The following PDE1C variants were observed in gnomAD, a reference collection of about 807,000 sequenced individuals.
PDE1C encodes the protein dual specificity calcium/calmodulin-dependent 3',5'-cyclic nucleotide phosphodiesterase 1C.
PDE1C carries 62 observed loss-of-function variants against 93.1 expected under a neutral mutation model. The ratio of observed to expected loss-of-function variants is 0.67; its 90% CI spans 0.54 to 0.82. The LOEUF (loss-of-function observed/expected upper bound fraction) is 0.82. Ranked by LOEUF, PDE1C falls within the 40% of genes least tolerant of loss-of-function variation. The pLI, the probability that PDE1C is intolerant of heterozygous loss-of-function variation, is 0.00. For synonymous variants in PDE1C, 325 were observed against 310.1 expected (o/e 1.05, Z -0.50); for missense variants, 742 against 884.6 (o/e 0.84, Z 2.04).
chr7:31,946,662 G>T (rs1806654663), intron 2 of PDE1C, among the ~76,000 whole-genome samples: 1 of 152,114 alleles, frequency 6.6e-6, no homozygotes, highest in Admixed American at 6.5e-5. Flanking sequence ...CTTCTTTGTT[G>T]GATTACCAAT....
intron 11 of PDE1C, among the ~76,000 whole-genome samples, chr7:31,830,239 T>A (rs1044966531): frequency 1.3e-5 from 2 of 152,084 alleles, no homozygotes; most frequent in Non-Finnish European, 2.9e-5. Flanking sequence ...AGGAATAAAC[T>A]TCTACTCATG....
rs770852590 is a variant in PDE1C at position 31,753,350 on chromosome 7, A to C, written c.*34T>G. ...TGGGTGCTGAGAAGCAGATAGGTAG[A>C]CCCTCCTTCACTCCCTCTCTTCTTC... On this transcript the variant is annotated 3_prime_UTR_variant, in exon 18 of 18. Coordinates refer to ENST00000396191, the MANE Select transcript of PDE1C (RefSeq NM_001191057.4). The C allele has an allele frequency of 1.6e-5, 26 of 1,592,080 alleles. No individual in the cohort carries two copies. In the South Asian group the frequency reaches 3.0e-4, roughly 18 times the overall value.
chr7:31,643,831 A>C, the PDE1C span: 1 of 1,613,920 alleles, frequency 6.2e-7, no homozygotes, highest in Middle Eastern at 1.6e-4. Flanking sequence ...GGAGAGGCAA[A>C]GCCCTGGCCC....
the PDE1C span, among the ~76,000 whole-genome samples, chr7:31,714,102 CTT>C: frequency 6.6e-6 from 1 of 152,186 alleles, no homozygotes; most frequent in African/African-American, 2.4e-5. Flanking sequence ...ATTTTCCAAA[CTT>C]TTATGCATTT....
At chr7:31,957,685 A>G (rs573812725) in intron 2 of PDE1C, among the ~76,000 whole-genome samples, 25 of 152,322 alleles carry the variant, frequency 1.6e-4, no homozygotes, top group African/African-American at 5.8e-4. Flanking sequence ...AGCATTGCAT[A>G]CACTGGTGTT....
intron 2 of PDE1C, among the ~76,000 whole-genome samples, chr7:32,034,783 C>T (rs1207754452): frequency 1.3e-5 from 2 of 152,048 alleles, no homozygotes; most frequent in Non-Finnish European, 2.9e-5. Flanking sequence ...CTCAATTGAA[C>T]CAAGCCCCAT....
At chr7:32,295,893 CAAAAAAAAAAAAAA>C (rs147462417) in intron 1 of PDE1C, among the ~76,000 whole-genome samples, 1 of 85,124 alleles carries the variant, frequency 1.2e-5, no homozygotes, top group Non-Finnish European at 2.4e-5. Flanking sequence ...GACTCTGTCT[CAAAAAAAAAAAAAA>C]AAAAAAAAAA....
At chr7:32,059,266 G>A (rs1434700980) in intron 1 of PDE1C, among the ~76,000 whole-genome samples, 1 of 152,182 alleles carries the variant, frequency 6.6e-6, no homozygotes, top group Non-Finnish European at 1.5e-5. Context: ...ATGGGAGAAT[G>A]CAAATCTGAA....
chr7:31,824,845 G>C (rs1464434709), intron 13 of PDE1C, 22 bp downstream of exon 13: 1 of 1,611,232 alleles, frequency 6.2e-7, no homozygotes, highest in Non-Finnish European at 8.5e-7. Flanking sequence ...CTCACCCTCA[G>C]CCCTCAAGCT....
chr7:32,265,229 G>A (rs370765565), intron 1 of PDE1C, among the ~76,000 whole-genome samples: 9 of 152,194 alleles, frequency 5.9e-5, no homozygotes, highest in Admixed American at 3.3e-4. Context: ...AGCAATCTTG[G>A]GCAGTGCACA....
chr7:31,903,427 CT>C (rs1256783733), intron 2 of PDE1C, among the ~76,000 whole-genome samples: 2 of 151,748 alleles, frequency 1.3e-5, no homozygotes, highest in Non-Finnish European at 2.9e-5. Context: ...TTTTTATAAC[CT>C]TAAGAACAAT....
chr7:31,923,001 C>A (rs1305298517), intron 2 of PDE1C, among the ~76,000 whole-genome samples: 1 of 152,052 alleles, frequency 6.6e-6, no homozygotes, highest in Non-Finnish European at 1.5e-5. Context: ...GCATTTTCAT[C>A]AAATTTGGAG....
chr7:32,290,498 A>C (rs993720761), intron 1 of PDE1C, among the ~76,000 whole-genome samples: 7 of 152,236 alleles, frequency 4.6e-5, no homozygotes, highest in African/African-American at 1.7e-4. Context: ...CCCTCCCAAC[A>C]ACGCAACAAA....
At chr7:31,886,956 T>C (rs1218220215) in intron 2 of PDE1C, among the ~76,000 whole-genome samples, 1 of 140,610 alleles carries the variant, frequency 7.1e-6, no homozygotes, top group African/African-American at 2.6e-5. Flanking sequence ...GCTAAAGAAA[T>C]GTAATTTTCT....
At chr7:31,692,993 AC>A in the PDE1C span, among the ~76,000 whole-genome samples, 6 of 152,122 alleles carry the variant, frequency 3.9e-5, no homozygotes, top group East Asian at 5.8e-4. Context: ...TCCAGAACTG[AC>A]TTTTTGCATA....
At chr7:32,051,169 A>T (rs889543566) in intron 2 of PDE1C, among the ~76,000 whole-genome samples, 13 of 152,192 alleles carry the variant, frequency 8.5e-5, no homozygotes, top group African/African-American at 3.1e-4. Context: ...CAGGCAAAGG[A>T]TATTCTGAGA....
intron 1 of PDE1C, among the ~76,000 whole-genome samples, chr7:32,329,673 T>C (rs1200513690): frequency 6.6e-6 from 1 of 152,230 alleles, no homozygotes; most frequent in Non-Finnish European, 1.5e-5. Context: ...ATAATGGTCA[T>C]CTATACTTCT....
At chr7:31,884,394 C>A (rs1797630324) in intron 2 of PDE1C, among the ~76,000 whole-genome samples, 1 of 151,822 alleles carries the variant, frequency 6.6e-6, no homozygotes. Context: ...AAGGTAAAAG[C>A]CCAAATCAAC....
intron 2 of PDE1C, among the ~76,000 whole-genome samples, chr7:32,030,404 A>G (rs1790153707): frequency 6.6e-6 from 1 of 152,104 alleles, no homozygotes; most frequent in African/African-American, 2.4e-5. Context: ...ATGTCTATGA[A>G]TATATTTGAA....
Sources: gnomAD v4.1 joint callset for allele counts (sites outside exome capture counted in the v4.1 genomes callset) on GRCh38, gnomAD v4.1.1 for gene constraint, MANE v1.5 for transcripts, NCBI Gene and HGNC (gene_info 2026-07-23, HGNC 2026-07-21) for gene names.